DAW1: variants seen among roughly 807,000 people sequenced by gnomAD.
The protein encoded by DAW1 is dynein assembly factor with WD repeat domains 1.
A neutral mutation model predicts 56.5 loss-of-function variants in DAW1; 47 were observed. The ratio of observed to expected loss-of-function variants is 0.83; its 90% CI spans 0.66 to 1.06. The LOEUF (loss-of-function observed/expected upper bound fraction) is 1.06, where lower values mean the gene tolerates loss of function less well. DAW1 is among the 50% of genes least tolerant of loss of function. The pLI is 0.00. For synonymous variants in DAW1, 190 were observed against 179.0 expected (o/e 1.06, Z -0.49); for missense variants, 505 against 499.3 (o/e 1.01, Z -0.11).
At chr2:227,918,281 A>G (rs1049816795) in intron 10 of DAW1, among the ~76,000 whole-genome samples, 1 of 152,178 alleles carries the variant, frequency 6.6e-6, no homozygotes, top group African/African-American at 2.4e-5. Context: ...CTGGAGGCAG[A>G]GCAGGAAAAA....
Position 227,921,512 on chromosome 2 carries a change from T to C in DAW1, c.1164T>C (p.Asp388=). The change falls in exon 12 of 13, where the codon GAT becomes GAC. Residue 388 remains aspartate (D), a synonymous_variant. Transcript: ENST00000309931. ...TCCAGGTTCTTGAGGGGCACACTGA[T>C]GAAATCTTTTCATGTGCTTTCAACT... ...QCLQVLEGHT[D]EIFSCAFNYK... 3 of 1,614,012 alleles carry C rather than the reference T, an allele frequency of 1.9e-6. No homozygotes were observed. The highest frequency in any genetic ancestry group is 2.5e-6 in the Non-Finnish European group (3 of 1,179,986).
chr2:227,912,915 A>G (rs888589911), intron 10 of DAW1, among the ~76,000 whole-genome samples: 5 of 152,288 alleles, frequency 3.3e-5, no homozygotes, highest in African/African-American at 9.6e-5. Context: ...TTTGGGTCCT[A>G]TCACTGATGG....
chr2:227,876,453 G>A (rs771978355), intron 1 of DAW1: 1 of 1,302,926 alleles, frequency 7.7e-7, no homozygotes, highest in South Asian at 1.2e-5. Context: ...TCTTTGGTGA[G>A]CCAAATCATA....
At chr2:227,886,098 T>A (rs1247781411) in intron 2 of DAW1, among the ~76,000 whole-genome samples, 1 of 151,486 alleles carries the variant, frequency 6.6e-6, no homozygotes, top group Non-Finnish European at 1.5e-5. Flanking sequence ...GCCCAACCAG[T>A]GACCTTTACA....
intron 10 of DAW1, among the ~76,000 whole-genome samples, chr2:227,908,116 A>G (rs1263582373): frequency 6.6e-6 from 1 of 152,122 alleles, no homozygotes; most frequent in Admixed American, 6.5e-5. Flanking sequence ...ACACTACACT[A>G]TATCTGTCAT....
chr2:227,896,315 T>A (rs1691404759), intron 5 of DAW1, among the ~76,000 whole-genome samples: 1 of 152,200 alleles, frequency 6.6e-6, no homozygotes, highest in African/African-American at 2.4e-5. Flanking sequence ...ATATTCTCTA[T>A]AACATAATGC....
intron 1 of DAW1, chr2:227,872,039 T>C: frequency 2.5e-6 from 1 of 394,792 alleles, no homozygotes; most frequent in Non-Finnish European, 4.5e-6. Flanking sequence ...AAGAAGTTCA[T>C]AGTGCTTGAT....
At chr2:227,886,783 C>A (rs1160433776) in intron 2 of DAW1, among the ~76,000 whole-genome samples, 1 of 148,436 alleles carries the variant, frequency 6.7e-6, no homozygotes, top group Admixed American at 6.7e-5. Flanking sequence ...AAGACTCTGT[C>A]TTTGTAAACA....
At chr2:227,896,344 A>C (rs913390737) in intron 5 of DAW1, among the ~76,000 whole-genome samples, 7 of 152,192 alleles carry the variant, frequency 4.6e-5, no homozygotes, top group Admixed American at 3.9e-4. Context: ...TTAATAGTCT[A>C]CTTAACAAAC....
intron 4 of DAW1, among the ~76,000 whole-genome samples, chr2:227,892,290 G>A (rs1436406991): frequency 2.0e-5 from 3 of 151,910 alleles, no homozygotes; most frequent in South Asian, 2.1e-4. Context: ...CTGCCACCAC[G>A]CCCAGCTAAT....
chr2:227,906,618 C>A (rs1210495722), intron 9 of DAW1, among the ~76,000 whole-genome samples: 1 of 152,082 alleles, frequency 6.6e-6, no homozygotes, highest in Non-Finnish European at 1.5e-5. Context: ...ATTTATAGAA[C>A]TTCAATTAGT....
chr2:227,888,429 G>A (rs533896528), intron 2 of DAW1, among the ~76,000 whole-genome samples: 28 of 152,332 alleles, frequency 1.8e-4, no homozygotes, highest in East Asian at 1.9e-4. Context: ...ATCTGACCTC[G>A]ATGAAGAAGG....
In DAW1 at chr2:227,871,768, C is replaced by A. The variant is rs753370260; in HGVS notation, c.40+39C>A. The stretch of plus-strand genomic sequence containing the variant: ...CGGCCCCGTCATCCCCACGTGGGAC[C>A]CTGGGCTCCCAGACTGGGAGGGTTT... On this transcript the variant is annotated intron_variant, in intron 1 of 12. Transcript: ENST00000309931. The A allele has an allele frequency of 3.1e-6, 5 of 1,612,396 alleles. No homozygotes were observed. In the Admixed American group the frequency reaches 5.0e-5, roughly 16 times the overall value.
chr2:227,896,488 G>A (rs1005085029), intron 5 of DAW1, among the ~76,000 whole-genome samples: 6 of 151,978 alleles, frequency 3.9e-5, no homozygotes, highest in Non-Finnish European at 5.9e-5. Flanking sequence ...AGTTATCTTC[G>A]CCTGATGATT....
chr2:227,905,056 A>G (rs748527126), intron 8 of DAW1, 21 bp downstream of exon 8: 1 of 1,603,974 alleles, frequency 6.2e-7, no homozygotes, highest in South Asian at 1.1e-5. Flanking sequence ...GTTCTTAAGA[A>G]TTGTTTTAAC....
intron 7 of DAW1, among the ~76,000 whole-genome samples, chr2:227,903,366 C>G (rs1418808269): frequency 6.6e-6 from 1 of 152,172 alleles, no homozygotes; most frequent in Admixed American, 6.5e-5. Flanking sequence ...CACCATCTCT[C>G]TGGCTAAAAG....
At chr2:227,889,796 T>C in intron 2 of DAW1, 60 bp from the exon 3 acceptor site, 2 of 1,406,994 alleles carry the variant, frequency 1.4e-6, no homozygotes, top group Non-Finnish European at 1.9e-6. Flanking sequence ...CTTCATGTAA[T>C]ATAGGTATAT....
At chr2:227,887,758 A>G (rs1691165648) in intron 2 of DAW1, 1 of 152,248 alleles carries the variant, frequency 6.6e-6, no homozygotes, top group Non-Finnish European at 1.5e-5. Context: ...AGCCACTCAT[A>G]AACATGACCT....
chr2:227,916,357 T>TGG (rs1691952439), intron 10 of DAW1, among the ~76,000 whole-genome samples: 1 of 152,298 alleles, frequency 6.6e-6, no homozygotes, highest in South Asian at 2.1e-4. Flanking sequence ...CAACTATATA[T>TGG]GGTGCCACAC....
Sources: allele counts gnomAD v4.1 joint callset (sites outside exome capture counted in the v4.1 genomes callset), GRCh38; gene constraint gnomAD v4.1.1; transcripts MANE v1.5; gene names NCBI Gene and HGNC (gene_info 2026-07-23, HGNC 2026-07-21).